The following LMTK2 variants were observed in gnomAD, a reference collection of about 807,000 sequenced individuals.
LMTK2 encodes serine/threonine-protein kinase LMTK2.
LMTK2 carries 37 observed loss-of-function variants against 127.5 expected under a neutral mutation model. The ratio of observed to expected loss-of-function variants is 0.29; its 90% CI spans 0.22 to 0.38. LMTK2 has a LOEUF of 0.38. Ranked by LOEUF, LMTK2 falls within the 10% of genes least tolerant of loss-of-function variation. The pLI is 1.00. For missense variants in LMTK2, 1,694 were observed against 1,920.3 expected (o/e 0.88, Z 2.20); for synonymous variants, 819 against 810.1 (o/e 1.01, Z -0.19).
At chr7:98,162,966 A>AACACAGG (rs1453817646) in intron 6 of LMTK2, among the ~76,000 whole-genome samples, 2 of 152,238 alleles carry the variant, frequency 1.3e-5, no homozygotes, top group Non-Finnish European at 2.9e-5. Flanking sequence ...AGGAAATTCC[A>AACACAGG]ACACAGGCTA....
intron 1 of LMTK2, among the ~76,000 whole-genome samples, chr7:98,135,078 A>G (rs1489072355): frequency 6.6e-6 from 1 of 152,188 alleles, no homozygotes; most frequent in Admixed American, 6.5e-5. Context: ...ACCTTTTGTT[A>G]TTGAAAAAGA....
At chr7:98,145,614 C>G (rs1796761588) in intron 3 of LMTK2, among the ~76,000 whole-genome samples, 1 of 152,096 alleles carries the variant, frequency 6.6e-6, no homozygotes, top group South Asian at 2.1e-4. Context: ...TTTCTTTTCT[C>G]TCTGCCTCCA....
chr7:98,191,380 C>T (rs1005682534), intron 10 of LMTK2, among the ~76,000 whole-genome samples: 2 of 152,018 alleles, frequency 1.3e-5, no homozygotes, highest in Non-Finnish European at 2.9e-5. Flanking sequence ...GGTGAAACCC[C>T]GTCTGTACTA....
chr7:98,201,564 T>C (rs1035249464), intron 11 of LMTK2, among the ~76,000 whole-genome samples: 2 of 152,074 alleles, frequency 1.3e-5, no homozygotes, highest in Non-Finnish European at 2.9e-5. Flanking sequence ...AGCAGTTTGA[T>C]TATGGTGCAT....
intron 9 of LMTK2, among the ~76,000 whole-genome samples, chr7:98,189,276 C>G (rs1797484338): frequency 6.6e-6 from 1 of 152,124 alleles, no homozygotes; most frequent in African/African-American, 2.4e-5. Flanking sequence ...TGGTTCCTGG[C>G]TGCGCCTGCC....
intron 2 of LMTK2, among the ~76,000 whole-genome samples, chr7:98,138,732 AT>A (rs1301639403): frequency 6.6e-6 from 1 of 152,196 alleles, no homozygotes; most frequent in African/African-American, 2.4e-5. Flanking sequence ...AGTGTTGCTG[AT>A]ACTGAAATCC....
rs746751658 is a variant in LMTK2, at chr7:98,192,635, T to C, written c.2170T>C (p.Leu724=). 6.2e-7 allele frequency: 1 copy of C among 1,612,306 alleles called. No individual in the cohort carries two copies. The highest frequency in any genetic ancestry group is 8.5e-7 in the Non-Finnish European group (1 of 1,179,584). The change falls in exon 11 of 14, where the codon TTA becomes CTA. Residue 724 remains leucine (L), a synonymous_variant. Coordinates refer to ENST00000297293, the MANE Select transcript of LMTK2 (RefSeq NM_014916.4). Reference sequence around the variant, plus strand: ...TGTTCAAGAATTGTCAGAAAACTTTTTATTTCTTCAAGAGAAAAACTTACT... The same window carrying C: ...TGTTCAAGAATTGTCAGAAAACTTTCTATTTCTTCAAGAGAAAAACTTACT... ...LNVQELSENF[L]FLQEKNLLKG...
intron 11 of LMTK2, among the ~76,000 whole-genome samples, chr7:98,202,253 T>A (rs1246189272): frequency 1.3e-5 from 2 of 152,208 alleles, no homozygotes; most frequent in Non-Finnish European, 2.9e-5. Context: ...GTTATTATAC[T>A]TTTCTTTTCT....
intron 1 of LMTK2, among the ~76,000 whole-genome samples, chr7:98,114,490 C>T (rs1796248875): frequency 6.6e-6 from 1 of 152,228 alleles, no homozygotes; most frequent in Admixed American, 6.5e-5. Context: ...AGTGATCCTC[C>T]CACCTCAGCC....
At chr7:98,168,910 A>C (rs1390251305) in intron 6 of LMTK2, among the ~76,000 whole-genome samples, 2 of 152,180 alleles carry the variant, frequency 1.3e-5, no homozygotes, top group Non-Finnish European at 2.9e-5. Context: ...ATACATTGCT[A>C]TTCTTGGTGA....
intron 10 of LMTK2, 21 bp downstream of exon 10, chr7:98,190,898 C>T: frequency 6.2e-7 from 1 of 1,611,720 alleles, no homozygotes; most frequent in Non-Finnish European, 8.5e-7. Flanking sequence ...TCACATTCCG[C>T]CTGTTCTGTT....
At chr7:98,190,599 C>T (rs1383074901) in intron 9 of LMTK2, 129 bp from the exon 10 acceptor site, 17 of 898,084 alleles carry the variant, frequency 1.9e-5, no homozygotes, top group Non-Finnish European at 2.9e-5. Context: ...ACAACAACAA[C>T]AAAGATCCTA....
chr7:98,207,074 C>T lies in LMTK2; in HGVS notation c.*1582C>T, dbSNP rs941237013. ...CACACCTCCCTCCCTGAGTTCTGCT[C>T]TGACATAAGGAAGTCCTCGGTGGCT... On this transcript the variant is annotated 3_prime_UTR_variant, in exon 14 of 14. Coordinates refer to ENST00000297293, the MANE Select transcript of LMTK2 (RefSeq NM_014916.4). 12 of 152,300 alleles carry T rather than the reference C, an allele frequency of 7.9e-5. No homozygotes were observed. Among genetic ancestry groups the T allele is most frequent in the Admixed American group, 5.9e-4 (9 of 15,278 alleles). 9.4% of individuals were successfully genotyped at this position (152,300 alleles called of 1,614,324 possible).
chr7:98,205,586 T>G lies in LMTK2; in HGVS notation c.*94T>G. The G allele has an allele frequency of 7.6e-7, 1 of 1,317,382 alleles. No homozygotes were observed. The highest frequency in any genetic ancestry group is 1.1e-6 in the Non-Finnish European group (1 of 933,340). 81.6% of individuals were successfully genotyped at this position (1,317,382 alleles called of 1,614,324 possible). A position where few individuals can be genotyped will look rare whatever the true frequency, so the allele number is the denominator to read the frequency against. Reference sequence around the variant, plus strand: ...CGAGCAGCGACATCCACTCGCCATTTGCTGACATGAGATTGGGAGGAAGAA... The same window carrying G: ...CGAGCAGCGACATCCACTCGCCATTGGCTGACATGAGATTGGGAGGAAGAA... On this transcript the variant is annotated 3_prime_UTR_variant, in exon 14 of 14. Coordinates refer to ENST00000297293, the MANE Select transcript of LMTK2 (RefSeq NM_014916.4).
At chr7:98,125,895 C>T (rs902799060) in intron 1 of LMTK2, among the ~76,000 whole-genome samples, 1 of 152,284 alleles carries the variant, frequency 6.6e-6, no homozygotes, top group Admixed American at 6.5e-5. Flanking sequence ...TCTCTCTCCC[C>T]ATACCCGGGC....
rs111793232 is a variant in LMTK2, at chr7:98,205,385, G to A, written c.4484-79G>A. On this transcript the variant is annotated intron_variant, in intron 13 of 13. Coordinates refer to ENST00000297293, the MANE Select transcript of LMTK2 (RefSeq NM_014916.4). Reference sequence around the variant, plus strand: ...CCCGCTTCCGTTCCTGTGGTGCAGCGCACATGCCATCCACGCCATGCCTGT... The same window carrying A: ...CCCGCTTCCGTTCCTGTGGTGCAGCACACATGCCATCCACGCCATGCCTGT... The A allele has an allele frequency of 1.4e-3, 2,183 of 1,541,410 alleles. 27 individuals carry two copies. In the African/African-American group the frequency reaches 0.024, roughly 17 times the overall value.
chr7:98,180,401 CT>C (rs1797338223), intron 7 of LMTK2, among the ~76,000 whole-genome samples: 1 of 152,134 alleles, frequency 6.6e-6, no homozygotes, highest in Non-Finnish European at 1.5e-5. Flanking sequence ...AATTTAATGG[CT>C]TTTTTATTCG....
intron 7 of LMTK2, among the ~76,000 whole-genome samples, chr7:98,182,985 A>G (rs1797376933): frequency 6.6e-6 from 1 of 152,268 alleles, no homozygotes; most frequent in South Asian, 2.1e-4. Context: ...ACTGACCAGC[A>G]TTAACATTAA....
chr7:98,146,839 G>T (rs974563126), intron 3 of LMTK2, among the ~76,000 whole-genome samples: 9 of 152,152 alleles, frequency 5.9e-5, no homozygotes, highest in Non-Finnish European at 1.3e-4. Flanking sequence ...ACCTTTACTG[G>T]AGATCTTTAT....
Sources: allele counts gnomAD v4.1 joint callset (sites outside exome capture counted in the v4.1 genomes callset), GRCh38; gene constraint gnomAD v4.1.1; transcripts MANE v1.5; gene names NCBI Gene and HGNC (gene_info 2026-07-23, HGNC 2026-07-21).